The following NRXN1 variants were observed in gnomAD, a reference collection of about 807,000 sequenced individuals.
NRXN1 encodes the protein neurexin 1.
NRXN1 carries 39 observed loss-of-function variants against 150.9 expected under a neutral mutation model. The observed-to-expected ratio is 0.26, with a 90% CI of 0.20 to 0.34. NRXN1 has a LOEUF of 0.34. Among genes scored for constraint, NRXN1 ranks in the 10% least tolerant of loss-of-function variants. The probability of loss-of-function intolerance (pLI) is 1.00; values close to 1 mark genes in which losing one functional copy is unlikely to be tolerated. For synonymous variants in NRXN1, 924 were observed against 757.0 expected, an observed-to-expected ratio of 1.22 and a Z score of -3.62; for missense variants, 1,815 against 1,949.9, an observed-to-expected ratio of 0.93 and a Z score of 1.30.
At chr2:50,970,273 G>C (rs1462904999) in intron 2 of NRXN1, among the ~76,000 whole-genome samples, 1 of 152,078 alleles carries the variant, frequency 6.6e-6, no homozygotes, top group East Asian at 1.9e-4. Flanking sequence ...AAGGAGAATG[G>C]AACTGAGAGA....
chr2:50,842,631 T>A (rs1673038298), intron 5 of NRXN1, among the ~76,000 whole-genome samples: 1 of 152,214 alleles, frequency 6.6e-6, no homozygotes, highest in South Asian at 2.1e-4. Context: ...TTTGTGTAGT[T>A]TGATCAATTT....
chr2:50,896,219 C>T (rs960835548), intron 5 of NRXN1, among the ~76,000 whole-genome samples: 4 of 152,088 alleles, frequency 2.6e-5, no homozygotes, highest in African/African-American at 7.2e-5. Context: ...CTCAACGCTA[C>T]ATCTTCCAAG....
intron 17 of NRXN1, among the ~76,000 whole-genome samples, chr2:50,237,413 T>C (rs2065562903): frequency 2.0e-5 from 3 of 151,960 alleles, no homozygotes; most frequent in Admixed American, 2.0e-4. Context: ...GTGGAGAAAG[T>C]CGCAACAAAT....
chr2:49,987,203 ATTCTGCTCTCTAT>A (rs941292609), intron 21 of NRXN1, among the ~76,000 whole-genome samples: 1 of 151,964 alleles, frequency 6.6e-6, no homozygotes, highest in African/African-American at 2.4e-5. Context: ...CCAGCCTACA[ATTCTGCTCTCTAT>A]TTCAATGAGC....
At chr2:49,961,985 A>G (rs1379903465) in intron 21 of NRXN1, among the ~76,000 whole-genome samples, 1 of 152,122 alleles carries the variant, frequency 6.6e-6, no homozygotes, top group Non-Finnish European at 1.5e-5. Flanking sequence ...ACACACCTCT[A>G]GTCCCAGCCA....
intron 5 of NRXN1, among the ~76,000 whole-genome samples, chr2:50,735,134 A>C (rs1186753721): frequency 6.6e-6 from 1 of 152,206 alleles, no homozygotes; most frequent in East Asian, 1.9e-4. Context: ...TCTCAGAGCT[A>C]ATAGGCCTTT....
intron 18 of NRXN1, among the ~76,000 whole-genome samples, chr2:50,138,917 G>C (rs1168143417): frequency 6.6e-6 from 1 of 152,208 alleles, no homozygotes; most frequent in African/African-American, 2.4e-5. Flanking sequence ...ATAGTTCTTG[G>C]AAATGTAGGC....
intron 18 of NRXN1, among the ~76,000 whole-genome samples, chr2:50,214,409 A>G (rs2063243356): frequency 6.6e-6 from 1 of 151,980 alleles, no homozygotes; most frequent in South Asian, 2.1e-4. Flanking sequence ...TTCTAATCCA[A>G]TCAGCAACTC....
intron 15 of NRXN1, among the ~76,000 whole-genome samples, chr2:50,493,055 T>C (rs2091350842): frequency 6.6e-6 from 1 of 152,212 alleles, no homozygotes; most frequent in Non-Finnish European, 1.5e-5. Context: ...GACCTTCTTT[T>C]GAGAAGCACC....
At chr2:50,679,733 A>G (rs1690089557) in intron 5 of NRXN1, among the ~76,000 whole-genome samples, 1 of 152,176 alleles carries the variant, frequency 6.6e-6, no homozygotes, top group Non-Finnish European at 1.5e-5. Flanking sequence ...ACAAAGTATA[A>G]GTAATTTGCC....
At chr2:50,507,747 A>G (rs2092299335) in intron 12 of NRXN1, among the ~76,000 whole-genome samples, 1 of 152,182 alleles carries the variant, frequency 6.6e-6, no homozygotes, top group South Asian at 2.1e-4. Context: ...TTGAGAAAAA[A>G]TAACATTAAA....
intron 5 of NRXN1, among the ~76,000 whole-genome samples, chr2:50,858,908 A>C (rs957792773): frequency 6.6e-6 from 1 of 152,042 alleles, no homozygotes; most frequent in African/African-American, 2.4e-5. Flanking sequence ...TTCTGAGATG[A>C]AACTATTGAG....
At chr2:50,506,472 G>T (rs1351469411) in intron 13 of NRXN1, 23 bp downstream of exon 13, 2 of 1,601,698 alleles carry the variant, frequency 1.2e-6, no homozygotes, top group South Asian at 2.2e-5. Context: ...CATAGGAAAA[G>T]ACAATGGGAC....
intron 21 of NRXN1, among the ~76,000 whole-genome samples, chr2:50,030,348 A>T (rs149974503): frequency 1.3e-5 from 2 of 152,128 alleles, no homozygotes; most frequent in Admixed American, 1.3e-4. Context: ...TGCATGCCAT[A>T]CTTTTCAGAT....
intron 18 of NRXN1, among the ~76,000 whole-genome samples, chr2:50,204,381 T>C (rs2062415397): frequency 6.6e-6 from 1 of 151,704 alleles, no homozygotes; most frequent in African/African-American, 2.4e-5. Context: ...TGTATGTTTG[T>C]ATGTAAGACA....
chr2:50,145,936 T>C (rs1352123186), intron 18 of NRXN1, among the ~76,000 whole-genome samples: 1 of 151,556 alleles, frequency 6.6e-6, no homozygotes, highest in African/African-American at 2.4e-5. Flanking sequence ...AACTGAATTA[T>C]GTCAGTAGTC....
At chr2:50,762,418 G>A in intron 5 of NRXN1, among the ~76,000 whole-genome samples, 1 of 151,742 alleles carries the variant, frequency 6.6e-6, no homozygotes, top group East Asian at 2.0e-4. Context: ...GAGGTTTAGG[G>A]TATGATTGAT....
intron 5 of NRXN1, among the ~76,000 whole-genome samples, chr2:50,768,337 C>G (rs1338959340): frequency 1.3e-5 from 2 of 152,078 alleles, no homozygotes; most frequent in African/African-American, 4.8e-5. Flanking sequence ...AAGAAAGCAA[C>G]TTGCTCTATT....
chr2:50,529,923 G>T (rs192986355), intron 11 of NRXN1, among the ~76,000 whole-genome samples: 22 of 152,170 alleles, frequency 1.4e-4, no homozygotes, highest in Admixed American at 1.3e-3. Context: ...ATGATTATAT[G>T]CAATAAGATA....
Sources: gnomAD v4.1 joint callset for allele counts (sites outside exome capture counted in the v4.1 genomes callset) on GRCh38, gnomAD v4.1.1 for gene constraint, MANE v1.5 for transcripts, NCBI Gene and HGNC (gene_info 2026-07-23, HGNC 2026-07-21) for gene names.